The following SNX14 variants were observed in gnomAD, a reference collection of about 807,000 sequenced individuals.
SNX14 encodes sorting nexin 14.
Under a neutral mutation model 133.8 loss-of-function variants are expected in SNX14, and 93 were observed. That is an observed-to-expected ratio of 0.70 (90% CI 0.59 to 0.83). SNX14 has a LOEUF of 0.83. Among genes scored for constraint, SNX14 ranks in the 40% least tolerant of loss-of-function variants. The pLI is 0.00. For missense variants in SNX14, 945 were observed against 1,094.9 expected (o/e 0.86, Z 1.93); for synonymous variants, 368 against 365.6 (o/e 1.01, Z -0.07).
chr6:85,576,890 A>C (rs1423116417), intron 1 of SNX14, among the ~76,000 whole-genome samples: 1 of 152,212 alleles, frequency 6.6e-6, no homozygotes, highest in Non-Finnish European at 1.5e-5. Context: ...AAAAATTTTC[A>C]AGAGTTTTCA....
intron 1 of SNX14, 60 bp from the exon 2 acceptor site, chr6:85,574,438 G>A (rs576954728): frequency 1.7e-4 from 213 of 1,262,728 alleles, no homozygotes; most frequent in Admixed American, 2.5e-4. Flanking sequence ...CTAAGTTACC[G>A]CTTCACTGAC....
intron 7 of SNX14, among the ~76,000 whole-genome samples, chr6:85,555,369 T>C (rs1035938016): frequency 1.3e-5 from 2 of 152,166 alleles, no homozygotes; most frequent in African/African-American, 4.8e-5. Flanking sequence ...CAAAGTGCGG[T>C]ATATCCGTAC....
At chr6:85,514,919 A>G (rs1774266238) in intron 23 of SNX14, among the ~76,000 whole-genome samples, 1 of 152,212 alleles carries the variant, frequency 6.6e-6, no homozygotes, top group African/African-American at 2.4e-5. Context: ...CCACAAAAGC[A>G]AAGTAACATA....
At position 85,507,962 on chromosome 6, in the gene SNX14, C is replaced by T; in HGVS notation, c.2745+6G>A. 6.2e-7 allele frequency: 1 copy of T among 1,612,072 alleles called. No homozygotes were observed. The highest frequency in any genetic ancestry group is 8.5e-7 in the Non-Finnish European group (1 of 1,178,762). ...GCATGAGTTTACGAGCTTTAATGAG[C>T]TTTACCTGCTTGTTGAGTACTGGTT... On this transcript the variant is annotated splice_donor_region_variant and intron_variant, in intron 27 of 28. Transcript: ENST00000314673.
rs531505204 is a variant in SNX14 at position 85,514,382 on chromosome 6, A to C, written c.2392+124T>G. The C allele has an allele frequency of 7.0e-5, 100 of 1,432,784 alleles. No homozygotes were observed. The South Asian group carries it at 1.2e-3, about 18-fold the overall frequency. The allele number at this position is 1,432,784 out of a possible 1,614,324, so 88.8% of individuals were successfully genotyped here. A position where few individuals can be genotyped will look rare whatever the true frequency, so the allele number is the denominator to read the frequency against. On this transcript the variant is annotated intron_variant, in intron 24 of 28. Coordinates refer to ENST00000314673, the MANE Select transcript of SNX14 (RefSeq NM_153816.6). ...ATATGATCAAGGCCAATCGTATTGA[A>C]TTATTATAAAAGGTATCTTCAATTA...
chr6:85,522,638 A>G (rs1777259893), intron 21 of SNX14, among the ~76,000 whole-genome samples: 1 of 152,216 alleles, frequency 6.6e-6, no homozygotes, highest in Admixed American at 6.5e-5. Flanking sequence ...AAGTACCTTT[A>G]GCATCATCCT....
chr6:85,587,290 T>C lies in SNX14; in HGVS notation c.140+6289A>G, dbSNP rs552983886. Among the ~76,000 whole-genome samples, 10 of 152,210 alleles carry C rather than the reference T, an allele frequency of 6.6e-5. No individual in the cohort carries two copies. In the East Asian group the frequency reaches 1.9e-3, roughly 29 times the overall value. ...CAAGTTTTTTACACTCTCTTATGTA[T>C]GCTTGGAAATTTTCAATATCAAAAG... On this transcript the variant is annotated intron_variant, in intron 1 of 28. Transcript: ENST00000314673.
intron 21 of SNX14, 100 bp downstream of exon 21, chr6:85,526,026 G>C: frequency 1.5e-6 from 1 of 659,476 alleles, no homozygotes; most frequent in Admixed American, 3.8e-5. Context: ...AGGGCCCTCG[G>C]AGTTTACCAT....
At chr6:85,564,768 T>C (rs1340649313) in intron 6 of SNX14, among the ~76,000 whole-genome samples, 2 of 151,926 alleles carry the variant, frequency 1.3e-5, no homozygotes, top group African/African-American at 4.8e-5. Flanking sequence ...GGTGGGCGGA[T>C]CACAATGTCA....
intron 19 of SNX14, 84 bp downstream of exon 19, chr6:85,530,108 A>T: frequency 1.3e-6 from 1 of 779,988 alleles, no homozygotes; most frequent in African/African-American, 1.8e-5. Context: ...TCAATTACTT[A>T]AAATAAAAAA....
intron 21 of SNX14, among the ~76,000 whole-genome samples, chr6:85,518,557 T>C (rs929074763): frequency 1.3e-5 from 2 of 152,202 alleles, no homozygotes; most frequent in African/African-American, 4.8e-5. Context: ...AAATTACTTC[T>C]TGATCTCCAG....
chr6:85,547,438 C>G, intron 10 of SNX14, 41 bp from the exon 11 acceptor site: 1 of 1,606,890 alleles, frequency 6.2e-7, no homozygotes, highest in Non-Finnish European at 8.5e-7. Flanking sequence ...AAAATTCCCA[C>G]TTGATTTGAC....
intron 1 of SNX14, among the ~76,000 whole-genome samples, chr6:85,587,218 AT>A (rs201644962): frequency 1.3e-5 from 2 of 149,862 alleles, no homozygotes; most frequent in African/African-American, 4.9e-5. Flanking sequence ...AAAAAAAAAA[AT>A]ATGGCAAAAT....
intron 17 of SNX14, among the ~76,000 whole-genome samples, chr6:85,534,076 G>A (rs777568766): frequency 6.6e-6 from 1 of 152,204 alleles, no homozygotes; most frequent in Non-Finnish European, 1.5e-5. Flanking sequence ...CAGAAGCTGA[G>A]GTGGGAGGAT....
chr6:85,541,947 T>G, intron 15 of SNX14, 38 bp downstream of exon 15: 3 of 1,505,572 alleles, frequency 2.0e-6, no homozygotes, highest in Non-Finnish European at 2.7e-6. Flanking sequence ...ATAGAATGAC[T>G]GGCATCAGCA....
At chr6:85,548,175 G>A (rs1786385100) in intron 9 of SNX14, 126 bp downstream of exon 9, 1 of 660,518 alleles carries the variant, frequency 1.5e-6, no homozygotes, top group Non-Finnish European at 2.6e-6. Flanking sequence ...GATGGGGAAT[G>A]GGGATGGTTG....
intron 18 of SNX14, 99 bp from the exon 19 acceptor site, chr6:85,530,374 G>A (rs1779840965): frequency 2.7e-6 from 2 of 750,304 alleles, no homozygotes; most frequent in Non-Finnish European, 4.1e-6. Flanking sequence ...GCTAGACACG[G>A]TGGCTCACGC....
intron 15 of SNX14, among the ~76,000 whole-genome samples, chr6:85,541,596 G>T (rs1190321875): frequency 6.6e-6 from 1 of 151,886 alleles, no homozygotes; most frequent in Non-Finnish European, 1.5e-5. Context: ...CCAAAAAAAA[G>T]AAAGAAATAA....
chr6:85,524,785 G>GAAAAAA (rs397885760), intron 21 of SNX14, among the ~76,000 whole-genome samples: 3 of 88,248 alleles, frequency 3.4e-5, no homozygotes, highest in African/African-American at 1.1e-4. Flanking sequence ...TTCCATCACA[G>GAAAAAA]AAAAAAAAAA....
Sources: allele counts gnomAD v4.1 joint callset (sites outside exome capture counted in the v4.1 genomes callset), GRCh38; gene constraint gnomAD v4.1.1; transcripts MANE v1.5; gene names NCBI Gene and HGNC (gene_info 2026-07-23, HGNC 2026-07-21).